BRSK1: variants seen among roughly 807,000 people sequenced by gnomAD.
The protein encoded by BRSK1 is serine/threonine-protein kinase BRSK1.
BRSK1 carries 17 observed loss-of-function variants against 86.2 expected under a neutral mutation model. That is an observed-to-expected ratio of 0.20 (90% CI 0.14 to 0.30). The LOEUF is 0.30. Ranked by LOEUF, BRSK1 falls within the 10% of genes least tolerant of loss-of-function variation. The pLI, the probability that BRSK1 is intolerant of heterozygous loss-of-function variation, is 1.00. For missense variants in BRSK1, 719 were observed against 1,071.9 expected (o/e 0.67, Z 4.60); for synonymous variants, 464 against 440.1 (o/e 1.05, Z -0.68).
chr19:55,300,940 G>T (rs1467780000), intron 7 of BRSK1, among the ~76,000 whole-genome samples: 3 of 152,180 alleles, frequency 2.0e-5, no homozygotes, highest in South Asian at 2.1e-4. Flanking sequence ...CTAGCTTCTG[G>T]TGTCCTTGGC....
In BRSK1 at chr19:55,302,841, G is replaced by C. The variant is rs771990360; in HGVS notation, c.1002G>C (p.Arg334Ser). 6.2e-7 allele frequency: 1 copy of C among 1,613,592 alleles called. No homozygotes were observed. Among genetic ancestry groups the C allele is most frequent in the Non-Finnish European group, 8.5e-7 (1 of 1,179,916 alleles). Residue 334 changes from arginine to serine, a missense_variant, in exon 10 of 19, where the codon AGG becomes AGC. Arg to Ser is a moderately radical substitution (Grantham distance 110). Coordinates refer to ENST00000309383, the MANE Select transcript of BRSK1 (RefSeq NM_032430.2). The surrounding 1 kb of genome is among the most constrained non-coding windows in gnomAD (Gnocchi z 6.3). ...TGGGCTGCTTCAGGGACCGCGAGAG[G>C]CTGCATCGCGAGCTGCGCAGTGAGG... ...ASLGCFRDRE[R>S]LHRELRSEEE... is the part of the protein sequence containing the mutation.
intron 4 of BRSK1, among the ~76,000 whole-genome samples, chr19:55,292,050 G>A (rs1423634388): frequency 2.0e-5 from 3 of 152,136 alleles, no homozygotes; most frequent in African/African-American, 4.8e-5. Flanking sequence ...TTGAGCCACC[G>A]CACCCGGCCC....
chr19:55,284,050 G>C lies in BRSK1; in HGVS notation c.-393G>C. The C allele has an allele frequency of 8.1e-7, 1 of 1,229,066 alleles. No individual in the cohort carries two copies. Among genetic ancestry groups the C allele is most frequent in the Non-Finnish European group, 1.0e-6 (1 of 984,946 alleles). 76.1% of individuals were successfully genotyped at this position (1,229,066 alleles called of 1,614,324 possible). On this transcript the variant is annotated 5_prime_UTR_variant, in exon 1 of 19. Coordinates refer to ENST00000309383, the MANE Select transcript of BRSK1 (RefSeq NM_032430.2). ...AAGGACGAGGTGGCGGGGGGAGGCG[G>C]AGAGGAGGAGGAGGCGGAGGAGAGA...
chr19:55,288,536 T>C (rs976309936), intron 3 of BRSK1, among the ~76,000 whole-genome samples: 10 of 150,654 alleles, frequency 6.6e-5, no homozygotes, highest in African/African-American at 2.4e-4. Context: ...TGATGGAAAC[T>C]GGAACCCCGT....
Position 55,303,302 on chromosome 19 carries a change from CT to C in BRSK1, c.1029-8del, listed in dbSNP as rs2088599954. 1.2e-6 allele frequency: 2 copies of C among 1,611,314 alleles called. No individual in the cohort carries two copies. Among genetic ancestry groups the C allele is most frequent in the Non-Finnish European group, 1.7e-6 (2 of 1,177,690 alleles). On this transcript the variant is annotated splice_region_variant and splice_polypyrimidine_tract_variant and intron_variant, in intron 10 of 18. Coordinates refer to ENST00000309383, the MANE Select transcript of BRSK1 (RefSeq NM_032430.2). The surrounding 1 kb of genome is among the most constrained non-coding windows in gnomAD (Gnocchi z 5.1). ...TACCTCTTTCCACCTTTCCCACCCC[CT>C]GCCTTAGGGAGAACCAAGAAAAGAT...
At chr19:55,288,908 A>G in intron 3 of BRSK1, among the ~76,000 whole-genome samples, 1 of 152,122 alleles carries the variant, frequency 6.6e-6, no homozygotes. Context: ...TTTAACTTCT[A>G]GGCGCTGATG....
Position 55,302,379 on chromosome 19 carries a change from C to A in BRSK1, c.857+211C>A, listed in dbSNP as rs1047203838. 5 of 636,974 alleles carry A rather than the reference C, an allele frequency of 7.8e-6. No homozygotes were observed. The highest frequency in any genetic ancestry group is 4.3e-4 in the Middle Eastern group (1 of 2,352). The allele number at this position is 636,974 out of a possible 1,614,324, so 39.5% of individuals were successfully genotyped here. On this transcript the variant is annotated intron_variant, in intron 9 of 18. Coordinates refer to ENST00000309383, the MANE Select transcript of BRSK1 (RefSeq NM_032430.2). This position sits in a 1 kb window ranked among gnomAD's most constrained non-coding sequence, Gnocchi z 6.3. ...GGGGCTAAGCTAGGAGTCCAGGACT[C>A]CCAGGTTTGAGGGAAAAAGGGACTG...
rs2088453278 is a variant in BRSK1, at chr19:55,294,321, C to T, written c.610-8C>T. On this transcript the variant is annotated splice_polypyrimidine_tract_variant and splice_region_variant and intron_variant, in intron 6 of 18. Transcript: ENST00000309383. This position sits in a 1 kb window ranked among gnomAD's most constrained non-coding sequence, Gnocchi z 4.9. The stretch of plus-strand genomic sequence containing the variant: ...AGCGATGAAGTCACAACTGGCCTTC[C>T]CTTCCAGGGGGAAAAATATGATGGC... 2 of 1,613,998 alleles carry T rather than the reference C, an allele frequency of 1.2e-6. No individual in the cohort carries two copies. Among genetic ancestry groups the T allele is most frequent in the African/African-American group, 1.3e-5 (1 of 74,902 alleles).
At position 55,302,212 on chromosome 19, in the gene BRSK1, G is replaced by C. The variant is rs1478494624; in HGVS notation, c.857+44G>C. 1.9e-6 allele frequency: 3 copies of C among 1,611,738 alleles called. No individual in the cohort carries two copies. The highest frequency in any genetic ancestry group is 2.5e-6 in the Non-Finnish European group (3 of 1,177,830). On this transcript the variant is annotated intron_variant, in intron 9 of 18. Transcript: ENST00000309383. This position sits in a 1 kb window ranked among gnomAD's most constrained non-coding sequence, Gnocchi z 6.3. ...GACTCTTGGGTCCCTGGCGGAAATA[G>C]GGGAGGGGCCAAAGCAGTAGAAGCG... is the stretch of plus-strand genomic sequence containing the variant.
chr19:55,310,006 C>T lies in BRSK1; in HGVS notation c.2179+1278C>T, dbSNP rs2088747819. Among the ~76,000 whole-genome samples, 1 of 152,180 alleles carries T rather than the reference C, an allele frequency of 6.6e-6. No homozygotes were observed. The highest frequency in any genetic ancestry group is 2.1e-4 in the South Asian group (1 of 4,828). On this transcript the variant is annotated intron_variant, in intron 18 of 18. Coordinates refer to ENST00000309383, the MANE Select transcript of BRSK1 (RefSeq NM_032430.2). The surrounding 1 kb of genome is among the most constrained non-coding windows in gnomAD (Gnocchi z 5.0). Reference sequence around the variant, plus strand: ...AAAGGAAACGGCCCAGCGTTGAGGCCAGGAGCCAGGGCAGCTTTGGCCTTG... The same window carrying T: ...AAAGGAAACGGCCCAGCGTTGAGGCTAGGAGCCAGGGCAGCTTTGGCCTTG...
At chr19:55,288,545 G>A (rs932127046) in intron 3 of BRSK1, among the ~76,000 whole-genome samples, 4 of 151,220 alleles carry the variant, frequency 2.6e-5, no homozygotes, top group South Asian at 2.1e-4. Context: ...CTGGAACCCC[G>A]TGTCCCAGAG....
In BRSK1 at chr19:55,284,083, TG is replaced by T. The variant is rs1164509086; in HGVS notation, c.-353del. The T allele has an allele frequency of 9.5e-5, 12 of 125,958 alleles. No homozygotes were observed. The highest frequency in any genetic ancestry group is 1.4e-4 in the Non-Finnish European group (11 of 79,342). 7.8% of individuals were successfully genotyped at this position (125,958 alleles called of 1,614,324 possible). On this transcript the variant is annotated 5_prime_UTR_variant, in exon 1 of 19. An upstream open reading frame in the 5' UTR loses its in-frame stop. Coordinates refer to ENST00000309383, the MANE Select transcript of BRSK1 (RefSeq NM_032430.2). ...GAGGAGGCGGAGGAGAGAGGGCGCG[TG>T]GGGGGGCGGGGGGGACCTCGGCCTG...
At position 55,287,576 on chromosome 19, in the gene BRSK1, C is replaced by T. The variant is rs189987466; in HGVS notation, c.317+277C>T. Among the ~76,000 whole-genome samples the T allele has an allele frequency of 7.0e-4, 107 of 152,370 alleles. No homozygotes were observed. The highest frequency in any genetic ancestry group is 6.9e-3 in the Admixed American group (105 of 15,314). On this transcript the variant is annotated intron_variant, in intron 3 of 18. Transcript: ENST00000309383. This position sits in a 1 kb window ranked among gnomAD's most constrained non-coding sequence, Gnocchi z 5.3. ...TCGCCCTGTGGCACTGCATGGAATG[C>T]GCTCTGCTAGACAAGCAGGGTGCCC...
rs1427523988 is a variant in BRSK1, at chr19:55,287,402, A to T, written c.317+103A>T. Reference sequence around the variant, plus strand: ...GCCTAGGGGGACCTGGGGGACCTGCAGCTCTCCAGGCTGGACCGCTGAAGG... The same window carrying T: ...GCCTAGGGGGACCTGGGGGACCTGCTGCTCTCCAGGCTGGACCGCTGAAGG... On this transcript the variant is annotated intron_variant, in intron 3 of 18. Transcript: ENST00000309383. The surrounding 1 kb of genome is among the most constrained non-coding windows in gnomAD (Gnocchi z 5.3). The T allele has an allele frequency of 1.8e-6, 2 of 1,105,866 alleles. No homozygotes were observed. Among genetic ancestry groups the T allele is most frequent in the Non-Finnish European group, 2.7e-6 (2 of 739,302 alleles). The allele number at this position is 1,105,866 out of a possible 1,614,324, so 68.5% of individuals were successfully genotyped here.
At position 55,308,728 on chromosome 19, in the gene BRSK1, G is replaced by GGTGGGTGGTGGGGCC. The variant is rs769453037; in HGVS notation, c.2179+14_2179+28dup. On this transcript the variant is annotated protein_altering_variant and splice_region_variant. Transcript: ENST00000309383. ...CCAGCCCTCCGTGCAGGCCCTGGCA[G>GGTGGGTGGTGGGGCC]GTGGGTGGTGGGGCCGTGGGTGGTG... 1.3e-6 allele frequency: 2 copies of GGTGGGTGGTGGGGCC among 1,569,736 alleles called. No homozygotes were observed. The highest frequency in any genetic ancestry group is 2.3e-5 in the South Asian group (2 of 88,486).
chr19:55,305,684 C>T (rs1568988460), intron 16 of BRSK1, 98 bp downstream of exon 16: 2 of 1,544,124 alleles, frequency 1.3e-6, no homozygotes, highest in African/African-American at 1.4e-5. Context: ...TGGCTTCCTC[C>T]TGGGGCTCAT....
chr19:55,304,986 G>A lies in BRSK1; in HGVS notation c.1717+66G>A, dbSNP rs1045199129. The A allele has an allele frequency of 3.8e-6, 6 of 1,583,174 alleles. No individual in the cohort carries two copies. The highest frequency in any genetic ancestry group is 2.7e-5 in the African/African-American group (2 of 74,346). On this transcript the variant is annotated intron_variant, in intron 14 of 18. Coordinates refer to ENST00000309383, the MANE Select transcript of BRSK1 (RefSeq NM_032430.2). The surrounding 1 kb of genome is among the most constrained non-coding windows in gnomAD (Gnocchi z 5.2). ...GTTGGGGCTAAAAATCTGGTTCCAG[G>A]GATGTCCGTCTGGCGTGTCTAGAGA...
Position 55,304,531 on chromosome 19 carries a change from C to G in BRSK1, c.1348-20C>G, listed in dbSNP as rs771442592. 7 of 1,540,108 alleles carry G rather than the reference C, an allele frequency of 4.5e-6. No individual in the cohort carries two copies. In the South Asian group the frequency reaches 8.8e-5, roughly 19 times the overall value. On this transcript the variant is annotated intron_variant, in intron 13 of 18. Transcript: ENST00000309383. The surrounding 1 kb of genome is among the most constrained non-coding windows in gnomAD (Gnocchi z 5.2). ...GGAGTTGTAGTCCACTCGCTTATCT[C>G]AGTCTCCTGTCCTCTGCAGAGTCCG...
rs745440598 is a variant in BRSK1, at chr19:55,302,720, C to T, written c.881C>T (p.Pro294Leu). The part of the protein sequence containing the change: ...WYLGGKHEPD[P>L]CLEPAPGRRV... ...AGAGGCGGGAAACACGAGCCAGACCCGTGCCTGGAGCCAGCCCCTGGCCGC... is the reference window on the plus strand; with the variant it reads ...AGAGGCGGGAAACACGAGCCAGACCTGTGCCTGGAGCCAGCCCCTGGCCGC... The change falls in exon 10 of 19, where the codon CCG (proline) becomes CTG (leucine). Residue 294 changes from proline to leucine, a missense_variant. By Grantham distance (98) the Pro-to-Leu change is moderately conservative. Coordinates refer to ENST00000309383, the MANE Select transcript of BRSK1 (RefSeq NM_032430.2). The surrounding 1 kb of genome is among the most constrained non-coding windows in gnomAD (Gnocchi z 6.3). 6.2e-7 allele frequency: 1 copy of T among 1,612,186 alleles called. No individual in the cohort carries two copies. The highest frequency in any genetic ancestry group is 8.5e-7 in the Non-Finnish European group (1 of 1,178,890).
Sources: allele counts gnomAD v4.1 joint callset (sites outside exome capture counted in the v4.1 genomes callset), GRCh38; gene constraint gnomAD v4.1.1; non-coding constraint Gnocchi (gnomAD v3.1); transcripts MANE v1.5; gene names NCBI Gene and HGNC (gene_info 2026-07-23, HGNC 2026-07-21).